ROBO2: variants seen among roughly 807,000 people sequenced by gnomAD.
The protein encoded by ROBO2 is roundabout guidance receptor 2, also known as roundabout homolog 2.
In ROBO2, 53 loss-of-function variants were observed where a neutral mutation model predicts 160.8. That is an observed-to-expected ratio of 0.33 (90% CI 0.26 to 0.41). The LOEUF is 0.41. Ranked by LOEUF, ROBO2 falls within the 10% of genes least tolerant of loss-of-function variation. ROBO2 has a pLI of 1.00. For synonymous variants in ROBO2, 664 were observed against 611.7 expected (o/e 1.09, Z -1.26); for missense variants, 1,577 against 1,722.4 (o/e 0.92, Z 1.49).
intron 2 of ROBO2, among the ~76,000 whole-genome samples, chr3:77,276,956 C>A (rs1028979411): frequency 6.6e-6 from 1 of 152,006 alleles, no homozygotes; most frequent in Non-Finnish European, 1.5e-5. Flanking sequence ...GGAAAACTGC[C>A]CTCGTGATTG....
intron 1 of ROBO2, among the ~76,000 whole-genome samples, chr3:77,091,422 A>G (rs1331157952): frequency 2.6e-5 from 4 of 152,178 alleles, no homozygotes; most frequent in Admixed American, 6.5e-5. Context: ...CAACGTTGTA[A>G]AATATCAAAT....
chr3:76,429,166 G>GCACA lies in ROBO2; in HGVS notation c.109+491588_109+491591dup, dbSNP rs371649400. Among the ~76,000 whole-genome samples, 119 of 149,128 alleles carry GCACA rather than the reference G, an allele frequency of 8.0e-4. 1 individual carries two copies. The highest frequency in any genetic ancestry group is 1.8e-3 in the Admixed American group (27 of 14,908). On this transcript the variant is annotated intron_variant, in intron 2 of 26. Transcript: ENST00000487694. ...TCACAGAACTCACAGACCAGTGGGC[G>GCACA]CACACACACACACACACACACACAC...
rs528870835 is a variant in ROBO2, at chr3:76,836,435, TG to T, written c.110-261578del. Among the ~76,000 whole-genome samples the T allele has an allele frequency of 2.7e-3, 391 of 146,920 alleles. 3 individuals are homozygous for T. The highest frequency in any genetic ancestry group is 9.5e-3 in the African/African-American group (382 of 40,020). On this transcript the variant is annotated intron_variant, in intron 2 of 26. Transcript: ENST00000487694. ...CTTTTACAGTATGTGTTAATTTTTT[TG>T]TTTTTTTTTTTTAGATTCTTGAATT...
intron 6 of ROBO2, among the ~76,000 whole-genome samples, chr3:77,540,057 G>T (rs1031642049): frequency 2.0e-5 from 3 of 152,188 alleles, no homozygotes; most frequent in Non-Finnish European, 4.4e-5. Flanking sequence ...ACACGGAGAA[G>T]AATAATTTGC....
chr3:76,323,393 A>G, intron 2 of ROBO2, among the ~76,000 whole-genome samples: 1 of 152,158 alleles, frequency 6.6e-6, no homozygotes, highest in Non-Finnish European at 1.5e-5. Context: ...AAAATGTTAG[A>G]TGCATACTAT....
rs555187867 is a variant in ROBO2, at chr3:77,068,027, T to C, written c.61+27181T>C. ...ATTTGTGTTTCTCTTTGTGTTATTA[T>C]TACTTTATTTATTCTTGGTACATTT... On this transcript the variant is annotated intron_variant, in intron 1 of 25. Coordinates refer to ENST00000461745, the Ensembl canonical transcript of ROBO2. Among the ~76,000 whole-genome samples the C allele has an allele frequency of 2.0e-4, 30 of 152,306 alleles. 1 individual carries two copies. In the South Asian group the frequency reaches 6.2e-3, roughly 32 times the overall value.
At chr3:76,350,003 C>T (rs2074777353) in intron 2 of ROBO2, among the ~76,000 whole-genome samples, 2 of 152,026 alleles carry the variant, frequency 1.3e-5, no homozygotes, top group Non-Finnish European at 2.9e-5. Flanking sequence ...TTTTCCAAGG[C>T]TGTTCACTAT....
At chr3:76,665,797 T>C (rs998331027) in intron 2 of ROBO2, among the ~76,000 whole-genome samples, 1 of 149,718 alleles carries the variant, frequency 6.7e-6, no homozygotes, top group African/African-American at 2.5e-5. Context: ...TCCAAAACAC[T>C]GAATATGGTG....
chr3:77,490,196 G>T (rs2085914656), intron 4 of ROBO2, among the ~76,000 whole-genome samples: 1 of 151,346 alleles, frequency 6.6e-6, no homozygotes, highest in Non-Finnish European at 1.5e-5. Context: ...CGCCTCCCGG[G>T]TTCACACCAT....
At chr3:77,062,078 A>T (rs1034223729) in intron 1 of ROBO2, among the ~76,000 whole-genome samples, 5 of 152,082 alleles carry the variant, frequency 3.3e-5, no homozygotes, top group Non-Finnish European at 2.9e-5. Flanking sequence ...ACTGCATCCT[A>T]TGGTTTTGAG....
chr3:77,563,752 A>C (rs1258769701), intron 11 of ROBO2, among the ~76,000 whole-genome samples: 1 of 152,128 alleles, frequency 6.6e-6, no homozygotes, highest in Non-Finnish European at 1.5e-5. Context: ...GCAGAACTTA[A>C]AATAATCCCA....
chr3:76,665,905 TAA>T (rs72186170), intron 2 of ROBO2, among the ~76,000 whole-genome samples: 47,811 of 141,164 alleles, frequency 0.34, 8,756 homozygotes, highest in South Asian at 0.47. Context: ...ATATTATATA[TAA>T]TATACACATA....
At chr3:77,044,532 T>G (rs564691281) in intron 1 of ROBO2, among the ~76,000 whole-genome samples, 1 of 152,316 alleles carries the variant, frequency 6.6e-6, no homozygotes, top group Admixed American at 6.5e-5. Context: ...TTTCCTTTTC[T>G]TATTCTCCTC....
intron 2 of ROBO2, among the ~76,000 whole-genome samples, chr3:76,112,643 T>C (rs971955400): frequency 2.0e-5 from 3 of 152,074 alleles, no homozygotes; most frequent in Non-Finnish European, 4.4e-5. Flanking sequence ...TAGACAATGT[T>C]TTGGAGGTTC....
chr3:76,998,084 C>T (rs2061125930), intron 2 of ROBO2, among the ~76,000 whole-genome samples: 1 of 152,056 alleles, frequency 6.6e-6, no homozygotes. Flanking sequence ...AGCTCAGAAT[C>T]CAGGGTGGAG....
intron 2 of ROBO2, among the ~76,000 whole-genome samples, chr3:76,684,027 G>C (rs1321469448): frequency 6.6e-6 from 1 of 151,942 alleles, no homozygotes. Context: ...GAGGCTGTTT[G>C]TAACTGCGAT....
At position 76,802,644 on chromosome 3, in the gene ROBO2, C is replaced by T. The variant is rs577406843; in HGVS notation, c.110-295370C>T. 2.7e-5 allele frequency among the ~76,000 whole-genome samples: 4 copies of T among 149,778 alleles called. No individual in the cohort carries two copies. The South Asian group carries it at 6.4e-4, about 24-fold the overall frequency. ...TCGGGAGGCTGAGGCAGGAGAATGGCGGGAACCCAGGAGGCGGAGCTTGCA... is the reference window on the plus strand; with the variant it reads ...TCGGGAGGCTGAGGCAGGAGAATGGTGGGAACCCAGGAGGCGGAGCTTGCA... On this transcript the variant is annotated intron_variant, in intron 2 of 26. Transcript: ENST00000487694.
chr3:76,967,740 T>A (rs141558213), intron 2 of ROBO2, among the ~76,000 whole-genome samples: 40 of 148,036 alleles, frequency 2.7e-4, no homozygotes, highest in Admixed American at 5.4e-4. Flanking sequence ...ATGGAGGGTC[T>A]TGCCGTATTG....
chr3:76,581,823 ATAGAT>A (rs1434681942), intron 2 of ROBO2, among the ~76,000 whole-genome samples: 2 of 152,224 alleles, frequency 1.3e-5, no homozygotes, highest in African/African-American at 4.8e-5. Flanking sequence ...TGGTTTAAAA[ATAGAT>A]TAAATTTACA....
Sources: allele counts gnomAD v4.1 joint callset (sites outside exome capture counted in the v4.1 genomes callset), GRCh38; gene constraint gnomAD v4.1.1; transcripts MANE v1.5; gene names NCBI Gene and HGNC (gene_info 2026-07-23, HGNC 2026-07-21).